GLIS3: variants seen among roughly 807,000 people sequenced by gnomAD.
GLIS3 encodes zinc finger protein GLIS3.
GLIS3 carries 53 observed loss-of-function variants against 78.6 expected under a neutral mutation model. That is an observed-to-expected ratio of 0.67 (90% confidence interval 0.54 to 0.85). The LOEUF is 0.85. Among genes scored for constraint, GLIS3 ranks in the 40% least tolerant of loss-of-function variants. The probability of loss-of-function intolerance (pLI) is 0.00; values close to 1 mark genes in which losing one functional copy is unlikely to be tolerated. For missense variants in GLIS3, 1,703 were observed against 1,231.1 expected, an observed-to-expected ratio of 1.38 and a Z score of -5.74; for synonymous variants, 684 against 509.9, an observed-to-expected ratio of 1.34 and a Z score of -4.60.
At chr9:3,899,456 AAAAT>A (rs1418446103) in intron 6 of GLIS3, among the ~76,000 whole-genome samples, 1 of 152,168 alleles carries the variant, frequency 6.6e-6, no homozygotes, top group African/African-American at 2.4e-5. Context: ...AAAAAATGCT[AAAAT>A]AAACTAGGTG....
chr9:3,847,215 A>T (rs966105918), intron 9 of GLIS3, among the ~76,000 whole-genome samples: 33 of 40,336 alleles, frequency 8.2e-4, no homozygotes, highest in African/African-American at 2.2e-3. Context: ...ATACATAAAT[A>T]AAAAAAAATA....
the GLIS3 span, among the ~76,000 whole-genome samples, chr9:4,367,249 G>T: frequency 1.3e-5 from 2 of 152,072 alleles, no homozygotes; most frequent in Admixed American, 6.5e-5. Context: ...TCTCCCTCTC[G>T]CTTTACATTT....
intron 2 of GLIS3, chr9:4,147,651 A>G (rs1401243221): frequency 2.2e-5 from 3 of 138,710 alleles, no homozygotes; most frequent in Non-Finnish European, 4.7e-5. Flanking sequence ...AATGCAGAGT[A>G]AGAAACAATG....
intron 6 of GLIS3, among the ~76,000 whole-genome samples, chr9:3,927,447 C>G (rs1444698887): frequency 6.6e-6 from 1 of 152,074 alleles, no homozygotes; most frequent in African/African-American, 2.4e-5. Context: ...TTAGTGTGTC[C>G]TAAATTTATA....
At chr9:4,187,432 T>A (rs1385086134) in intron 2 of GLIS3, among the ~76,000 whole-genome samples, 1 of 152,232 alleles carries the variant, frequency 6.6e-6, no homozygotes, top group African/African-American at 2.4e-5. Context: ...GGTAGCATGA[T>A]GCCTCCAGCT....
the GLIS3 span, among the ~76,000 whole-genome samples, chr9:4,376,626 T>G: frequency 1.5e-5 from 2 of 135,268 alleles, 1 homozygote; most frequent in Non-Finnish European, 3.3e-5. Context: ...TGGGTACTAA[T>G]GTAAATATAC....
chr9:3,991,783 C>A (rs981022005), intron 4 of GLIS3, among the ~76,000 whole-genome samples: 1 of 149,736 alleles, frequency 6.7e-6, no homozygotes, highest in Non-Finnish European at 1.5e-5. Flanking sequence ...CTCCGCCTCC[C>A]GGCTTCATGC....
chr9:4,303,004 C>T (rs1314983059), upstream of GLIS3, among the ~76,000 whole-genome samples: 2 of 152,138 alleles, frequency 1.3e-5, no homozygotes, highest in South Asian at 4.1e-4. Context: ...GCAGCTCACT[C>T]AAAGCTAGAG....
At chr9:4,257,307 G>A (rs1475870247) in intron 2 of GLIS3, among the ~76,000 whole-genome samples, 17 of 152,116 alleles carry the variant, frequency 1.1e-4, no homozygotes, top group Admixed American at 1.1e-3. Flanking sequence ...ACAGTACATA[G>A]AAGCAGAGAG....
At chr9:4,385,805 GAAAGAAAAGAAAGAAAGAGAAAA>G in the GLIS3 span, among the ~76,000 whole-genome samples, 6 of 60,514 alleles carry the variant, frequency 9.9e-5, 3 homozygotes, top group Non-Finnish European at 2.0e-4. Flanking sequence ...AAGAAAGAAA[GAAAGAAAAGAAAGAAAGAGAAAA>G]GAAAGAAAAA....
intron 4 of GLIS3, among the ~76,000 whole-genome samples, chr9:4,077,807 T>A (rs1242647470): frequency 1.3e-5 from 2 of 152,178 alleles, no homozygotes; most frequent in Non-Finnish European, 2.9e-5. Flanking sequence ...GTTTGTCATT[T>A]TGCCAACACT....
intron 1 of GLIS3, among the ~76,000 whole-genome samples, chr9:4,293,305 C>G (rs775149766): frequency 6.6e-6 from 1 of 152,150 alleles, no homozygotes; most frequent in Non-Finnish European, 1.5e-5. Context: ...TATTGTGTCC[C>G]CATCACACAT....
chr9:4,261,212 T>C (rs1340601385), intron 2 of GLIS3, among the ~76,000 whole-genome samples: 1 of 152,074 alleles, frequency 6.6e-6, no homozygotes, highest in Non-Finnish European at 1.5e-5. Flanking sequence ...ACACGGAAAA[T>C]ATTGCAAAGC....
At chr9:4,459,451 C>T in the GLIS3 span, among the ~76,000 whole-genome samples, 2 of 152,066 alleles carry the variant, frequency 1.3e-5, no homozygotes, top group African/African-American at 4.8e-5. Context: ...GAGTGGTATC[C>T]CAGAAAGCAG....
At chr9:4,154,943 C>G (rs1431860656) in intron 2 of GLIS3, among the ~76,000 whole-genome samples, 1 of 152,100 alleles carries the variant, frequency 6.6e-6, no homozygotes, top group East Asian at 1.9e-4. Flanking sequence ...GTCTGCTGCA[C>G]TTAAAAATTA....
upstream of GLIS3, among the ~76,000 whole-genome samples, chr9:4,303,137 A>G (rs1817135747): frequency 8.2e-6 from 1 of 121,482 alleles, no homozygotes; most frequent in Non-Finnish European, 1.9e-5. Context: ...ACCACTTACA[A>G]ACTTGCAAAG....
At chr9:4,439,515 C>T in the GLIS3 span, among the ~76,000 whole-genome samples, 10 of 152,100 alleles carry the variant, frequency 6.6e-5, no homozygotes, top group Non-Finnish European at 1.0e-4. Context: ...AAATTTTTTC[C>T]TCCTGCCTTC....
chr9:4,038,229 G>A (rs1218136885), intron 4 of GLIS3, among the ~76,000 whole-genome samples: 2 of 152,070 alleles, frequency 1.3e-5, no homozygotes, highest in Non-Finnish European at 2.9e-5. Flanking sequence ...TTCCAGTTTC[G>A]ACATCCTAAA....
In GLIS3 at chr9:4,242,428, C is replaced by T. The variant is rs115353904; in HGVS notation, c.388+43610G>A. Among the ~76,000 whole-genome samples the T allele has an allele frequency of 5.4e-3, 815 of 152,240 alleles. 6 individuals carry two copies. The highest frequency in any genetic ancestry group is 0.019 in the African/African-American group (773 of 41,554). ...CTTTATTCAGGGCTCTATAGGAATC[C>T]AGCTGCTCCCTCTGAGGTGAAACCA... On this transcript the variant is annotated intron_variant, in intron 2 of 10. Transcript: ENST00000381971.
Sources: allele counts gnomAD v4.1 joint callset (sites outside exome capture counted in the v4.1 genomes callset), GRCh38; gene constraint gnomAD v4.1.1; transcripts MANE v1.5; gene names NCBI Gene and HGNC (gene_info 2026-07-23, HGNC 2026-07-21).